The following NPNT variants were observed in gnomAD, a reference collection of about 807,000 sequenced individuals.
NPNT encodes preosteoblast EGF-like repeat protein with MAM domain.
A neutral mutation model predicts 68.6 loss-of-function variants in NPNT; 45 were observed. That is an observed-to-expected ratio of 0.66 (90% confidence interval 0.52 to 0.84). The LOEUF (loss-of-function observed/expected upper bound fraction) is 0.84, where lower values mean the gene tolerates loss of function less well. Among genes scored for constraint, NPNT ranks in the 40% least tolerant of loss-of-function variants. The pLI, the probability that NPNT is intolerant of heterozygous loss-of-function variation, is 0.00. For synonymous variants in NPNT, 233 were observed against 253.3 expected (o/e 0.92, Z 0.76); for missense variants, 672 against 714.8 (o/e 0.94, Z 0.68).
intron 8 of NPNT, among the ~76,000 whole-genome samples, chr4:105,957,452 G>A (rs1012634063): frequency 5.3e-5 from 8 of 152,076 alleles, no homozygotes; most frequent in African/African-American, 1.2e-4. Context: ...TTTTAAAGTA[G>A]ATTCTTATGC....
chr4:105,967,241 C>G lies in NPNT; in HGVS notation c.1399C>G (p.Arg467Gly). The part of the protein sequence containing the change: ...AAKAPGGKAA[R>G]LVLPLGRLMH... The stretch of plus-strand genomic sequence containing the variant: ...CAAAGCCCCAGGGGGAAAAGCTGCA[C>G]GCTTGGTGCTACCTCTCGGCCGCCT... The change falls in exon 11 of 12, where the codon CGC (arginine) becomes GGC (glycine). Residue 467 changes from arginine (R) to glycine (G), a missense_variant. Physicochemically the swap from Arg to Gly is moderately radical, Grantham distance 125. Transcript: ENST00000379987. 1.9e-6 allele frequency: 3 copies of G among 1,613,988 alleles called. No homozygotes were observed. Among genetic ancestry groups the G allele is most frequent in the Admixed American group, 1.7e-5 (1 of 60,024 alleles).
At chr4:105,911,838 A>G (rs1727391689) in intron 2 of NPNT, 1 of 233,674 alleles carries the variant, frequency 4.3e-6, no homozygotes, top group African/African-American at 2.4e-5. Context: ...AAATAAAAGG[A>G]TACTGTCTCT....
chr4:105,934,273 A>G (rs1003446267), intron 3 of NPNT, among the ~76,000 whole-genome samples: 9 of 152,260 alleles, frequency 5.9e-5, no homozygotes, highest in African/African-American at 2.2e-4. Context: ...AGCAGCACAT[A>G]TTAACTTACT....
At chr4:105,914,633 A>G (rs1158988480) in intron 2 of NPNT, among the ~76,000 whole-genome samples, 1 of 151,300 alleles carries the variant, frequency 6.6e-6, no homozygotes, top group Admixed American at 6.6e-5. Flanking sequence ...ATACTGGGTA[A>G]GAGGCATGTT....
intron 3 of NPNT, among the ~76,000 whole-genome samples, chr4:105,933,816 TC>T (rs1263691732): frequency 6.6e-6 from 1 of 152,150 alleles, no homozygotes; most frequent in East Asian, 1.9e-4. Flanking sequence ...CCTCTCCTTC[TC>T]CCATCCAAGC....
At chr4:105,960,761 CGTGTGT>C (rs35898642) in intron 10 of NPNT, among the ~76,000 whole-genome samples, 4 of 149,208 alleles carry the variant, frequency 2.7e-5, no homozygotes, top group African/African-American at 9.8e-5. Flanking sequence ...AACATATCTA[CGTGTGT>C]GTGTGTGTGT....
At chr4:105,967,001 G>A (rs1445176817) in intron 10 of NPNT, among the ~76,000 whole-genome samples, 187 bp from the exon 11 acceptor site, 4 of 150,898 alleles carry the variant, frequency 2.7e-5, no homozygotes, top group Non-Finnish European at 4.4e-5. Context: ...GTAAGTGAAT[G>A]TTTTCTGTAA....
At chr4:105,954,204 A>C in intron 8 of NPNT, among the ~76,000 whole-genome samples, 1 of 152,210 alleles carries the variant, frequency 6.6e-6, no homozygotes, top group East Asian at 1.9e-4. Flanking sequence ...GCCATTAGAA[A>C]GTACTGTGCT....
At position 105,895,478 on chromosome 4, in the gene NPNT, A is replaced by C; in HGVS notation, c.-175A>C. 7.2e-6 allele frequency: 4 copies of C among 558,454 alleles called. No homozygotes were observed. Among genetic ancestry groups the C allele is most frequent in the Non-Finnish European group, 1.2e-5 (4 of 320,576 alleles). 34.6% of individuals were successfully genotyped at this position (558,454 alleles called of 1,614,324 possible). On this transcript the variant is annotated 5_prime_UTR_variant, in exon 1 of 12. Coordinates refer to ENST00000379987, the MANE Select transcript of NPNT (RefSeq NM_001033047.3). ...GAGGGGGCTCCGGGCGCCGCGCAGCAGACCTGCTCCGGCCGCGCGCCTCGC... is the reference window on the plus strand; with the variant it reads ...GAGGGGGCTCCGGGCGCCGCGCAGCCGACCTGCTCCGGCCGCGCGCCTCGC...
At chr4:105,901,401 A>G (rs1043269689) in intron 2 of NPNT, among the ~76,000 whole-genome samples, 1 of 152,242 alleles carries the variant, frequency 6.6e-6, no homozygotes, top group Non-Finnish European at 1.5e-5. Context: ...ACTATATAGG[A>G]TCTAAATATT....
chr4:105,920,395 T>TAAAAAAAAAAA (rs11355483), intron 2 of NPNT, among the ~76,000 whole-genome samples: 4 of 79,506 alleles, frequency 5.0e-5, no homozygotes, highest in African/African-American at 2.1e-4. Context: ...GTTACTCTAC[T>TAAAAAAAAAAA]AAAAAAAAAA....
intron 7 of NPNT, 85 bp from the exon 8 acceptor site, chr4:105,942,222 T>G: frequency 9.8e-7 from 1 of 1,017,774 alleles, no homozygotes; most frequent in Non-Finnish European, 1.5e-6. Context: ...CAGTTGTCAT[T>G]AGATGTTTTT....
At chr4:105,914,592 T>C (rs924585431) in intron 2 of NPNT, among the ~76,000 whole-genome samples, 4 of 150,830 alleles carry the variant, frequency 2.7e-5, no homozygotes, top group Non-Finnish European at 5.9e-5. Context: ...CGTCACTCAC[T>C]ATCAGTATTG....
intron 2 of NPNT, among the ~76,000 whole-genome samples, chr4:105,918,645 G>A (rs990658668): frequency 6.6e-6 from 1 of 152,038 alleles, no homozygotes; most frequent in Non-Finnish European, 1.5e-5. Flanking sequence ...CTGTTATCAG[G>A]ACATCTCTGC....
intron 9 of NPNT, 84 bp from the exon 10 acceptor site, chr4:105,958,943 GT>G (rs1731462069): frequency 2.4e-6 from 2 of 833,710 alleles, no homozygotes; most frequent in Non-Finnish European, 4.2e-6. Context: ...AACACTTGTT[GT>G]CTAGATACCC....
At chr4:105,968,563 C>T (rs896537770) in intron 11 of NPNT, among the ~76,000 whole-genome samples, 4 of 152,124 alleles carry the variant, frequency 2.6e-5, no homozygotes, top group Admixed American at 6.5e-5. Flanking sequence ...AATATCTGTT[C>T]CTTTATATTC....
At chr4:105,957,108 G>C (rs1731288827) in intron 8 of NPNT, among the ~76,000 whole-genome samples, 3 of 152,058 alleles carry the variant, frequency 2.0e-5, no homozygotes, top group Admixed American at 2.0e-4. Context: ...ATTAATTGAA[G>C]TTCTGGCAAA....
At chr4:105,912,165 T>G (rs1282651613) in intron 2 of NPNT, 2 of 1,523,160 alleles carry the variant, frequency 1.3e-6, no homozygotes, top group Non-Finnish European at 1.8e-6. Flanking sequence ...TGGAATTTCT[T>G]TTTTTGGACA....
intron 8 of NPNT, among the ~76,000 whole-genome samples, chr4:105,955,168 C>A (rs1222066282): frequency 6.6e-6 from 1 of 152,074 alleles, no homozygotes; most frequent in African/African-American, 2.4e-5. Context: ...AGCAGGTATG[C>A]ATTTGTTTTT....
Sources: gnomAD v4.1 joint callset for allele counts (sites outside exome capture counted in the v4.1 genomes callset) on GRCh38, gnomAD v4.1.1 for gene constraint, MANE v1.5 for transcripts, NCBI Gene and HGNC (gene_info 2026-07-23, HGNC 2026-07-21) for gene names.